The following GPR143 variants were observed in gnomAD, a reference collection of about 807,000 sequenced individuals.
GPR143 encodes G protein-coupled receptor 143.
A neutral mutation model predicts 27.6 loss-of-function variants in GPR143; 8 were observed. That is an observed-to-expected ratio of 0.29 (90% CI 0.17 to 0.52). The LOEUF is 0.52. GPR143 is among the 20% of genes least tolerant of loss of function. The pLI is 0.96. For synonymous variants in GPR143, 156 were observed against 153.2 expected (o/e 1.02, Z -0.13); for missense variants, 303 against 343.1 (o/e 0.88, Z 0.92).
chrX:9,744,983 G>T (rs2083421779), intron 5 of GPR143, among the ~76,000 whole-genome samples: 1 of 112,175 alleles, frequency 8.9e-6, no homozygotes, highest in Admixed American at 9.4e-5. Flanking sequence ...CAGGCGTGGT[G>T]GCTCACGCCT....
chrX:9,745,843 C>G (rs2083426117), intron 5 of GPR143, among the ~76,000 whole-genome samples: 1 of 112,502 alleles, frequency 8.9e-6, no homozygotes, highest in African/African-American at 3.2e-5. Flanking sequence ...TGGTACAGAA[C>G]TTGTGCGGGC....
chrX:9,759,551 C>T (rs2083487421), intron 2 of GPR143, 125 bp from the exon 3 acceptor site: 2 of 525,720 alleles, frequency 3.8e-6, no homozygotes, highest in South Asian at 2.5e-5. Context: ...TGACAGCTCT[C>T]GGGACACAAG....
chrX:9,725,481 CT>C lies in GPR143; in HGVS notation c.*264del, dbSNP rs2083321062. On this transcript the variant is annotated 3_prime_UTR_variant, in exon 9 of 9. Transcript: ENST00000467482. Reference sequence around the variant, plus strand: ...ACCTTACACTTACTTTACAGCCAGCCTCAGAAAACTTCCTAGTGGCAACTAA... The same window carrying C: ...ACCTTACACTTACTTTACAGCCAGCCCAGAAAACTTCCTAGTGGCAACTAA... The C allele has an allele frequency of 3.1e-6, 1 of 327,781 alleles. No individual in the cohort carries two copies. The highest frequency in any genetic ancestry group is 2.6e-5 in the African/African-American group (1 of 38,215). 27.0% of individuals were successfully genotyped at this position (327,781 alleles called of 1,213,427 possible). A position where few individuals can be genotyped will look rare whatever the true frequency, so the allele number is the denominator to read the frequency against.
intron 1 of GPR143, among the ~76,000 whole-genome samples, chrX:9,764,167 T>C (rs1272430445): frequency 1.8e-5 from 2 of 110,748 alleles, no homozygotes. Flanking sequence ...GGCGTGTGGC[T>C]GTAGTCCCAG....
upstream of GPR143, among the ~76,000 whole-genome samples, chrX:9,770,739 C>T (rs1056595856): frequency 3.6e-5 from 4 of 111,577 alleles, no homozygotes; most frequent in African/African-American, 1.3e-4. Flanking sequence ...TTGCCTCACC[C>T]TGCTTTTGTG....
At chrX:9,756,820 A>C (rs2146697976) in intron 3 of GPR143, among the ~76,000 whole-genome samples, 1 of 112,736 alleles carries the variant, frequency 8.9e-6, no homozygotes, top group Non-Finnish European at 1.9e-5. Flanking sequence ...GCAGTTTAAC[A>C]GTTTCTTACC....
chrX:9,760,605 A>G, intron 2 of GPR143, 112 bp downstream of exon 2: 2 of 507,486 alleles, frequency 3.9e-6, no homozygotes, highest in South Asian at 5.3e-5. Context: ...GATCAGCAGG[A>G]TGGGGCAGGA....
intron 4 of GPR143, chrX:9,747,814 G>T (rs1216483762): frequency 8.9e-6 from 1 of 112,396 alleles, no homozygotes; most frequent in African/African-American, 3.2e-5. Context: ...AGTACATAAA[G>T]AAATGAGTGT....
rs1411289893 is a variant in GPR143 at position 9,741,328 on chromosome X, A to G, written c.885+10T>C. Reference sequence around the variant, plus strand: ...ATTAACTAATTAAAATAAAATATAGATTGACCTACCATAATAAACCATGTG... The same window carrying G: ...ATTAACTAATTAAAATAAAATATAGGTTGACCTACCATAATAAACCATGTG... On this transcript the variant is annotated intron_variant, in intron 7 of 8. Transcript: ENST00000467482. 1 of 704,467 alleles carries G rather than the reference A, an allele frequency of 1.4e-6. No homozygotes were observed. Among genetic ancestry groups the G allele is most frequent in the African/African-American group, 2.1e-5 (1 of 47,419 alleles). The allele number at this position is 704,467 out of a possible 1,213,427, so 58.1% of individuals were successfully genotyped here. A position where few individuals can be genotyped will look rare whatever the true frequency, so the allele number is the denominator to read the frequency against.
chrX:9,726,123 A>ATCTGTGCCGCAGT, intron 8 of GPR143: 2 of 315,071 alleles, frequency 6.3e-6, no homozygotes, highest in Non-Finnish European at 8.4e-6. Context: ...TGACTGCGGC[A>ATCTGTGCCGCAGT]CAGATGCTGC....
At chrX:9,754,999 G>T (rs774997343) in intron 3 of GPR143, among the ~76,000 whole-genome samples, 60 of 111,674 alleles carry the variant, frequency 5.4e-4, no homozygotes, top group Non-Finnish European at 1.1e-3. Flanking sequence ...TCACACTGCT[G>T]ATTACCTACT....
intron 8 of GPR143, among the ~76,000 whole-genome samples, chrX:9,734,080 C>CAAAA (rs34722888): frequency 4.7e-4 from 27 of 57,821 alleles, no homozygotes; most frequent in African/African-American, 1.4e-3. Context: ...AACTCTGTCT[C>CAAAA]AAAAAAAAAA....
upstream of GPR143, among the ~76,000 whole-genome samples, chrX:9,767,558 C>T (rs1006224688): frequency 3.7e-5 from 4 of 109,332 alleles, no homozygotes; most frequent in African/African-American, 1.3e-4. Context: ...AGACAGGAAG[C>T]GGAGCCTTAT....
intron 1 of GPR143, among the ~76,000 whole-genome samples, chrX:9,772,082 C>T (rs1056653125): frequency 9.0e-6 from 1 of 111,330 alleles, no homozygotes; most frequent in Admixed American, 9.6e-5. Context: ...AATGTCCTTC[C>T]TCTTGGATTC....
intron 3 of GPR143, among the ~76,000 whole-genome samples, chrX:9,756,089 C>A (rs778603069): frequency 2.7e-5 from 3 of 111,913 alleles, no homozygotes; most frequent in East Asian, 5.6e-4. Context: ...GATTTTAGAG[C>A]GGGGATCTAC....
At position 9,765,807 on chromosome X, in the gene GPR143, G is replaced by A; in HGVS notation, c.11C>T (p.Pro4Leu). The change falls in exon 1 of 9, where the codon CCG (proline) becomes CTG (leucine). Residue 4 changes from proline to leucine, a missense_variant. Coordinates refer to ENST00000467482, the MANE Select transcript of GPR143 (RefSeq NM_000273.3). MAS[P>L]RLGTFCCPTR... is the part of the protein sequence containing the mutation. ...GGGGCAGCAGAAGGTCCCTAGGCGCGGGGAGGCCATGGGCTGTGTTCGCGG... is the reference window on the plus strand; with the variant it reads ...GGGGCAGCAGAAGGTCCCTAGGCGCAGGGAGGCCATGGGCTGTGTTCGCGG... The A allele has an allele frequency of 1.8e-6, 2 of 1,117,350 alleles. No individual in the cohort carries two copies. Among genetic ancestry groups the A allele is most frequent in the Non-Finnish European group, 2.3e-6 (2 of 852,714 alleles). The allele number at this position is 1,117,350 out of a possible 1,213,427, so 92.1% of individuals were successfully genotyped here.
chrX:9,770,160 CAAAAAAAAAAAAAA>C (rs55901901), upstream of GPR143, among the ~76,000 whole-genome samples: 3 of 26,825 alleles, frequency 1.1e-4, no homozygotes, highest in African/African-American at 5.2e-4. Flanking sequence ...CTCCCCCAGT[CAAAAAAAAAAAAAA>C]AAAAAAAAAA....
intron 8 of GPR143, among the ~76,000 whole-genome samples, chrX:9,734,080 C>CAAAAA (rs34722888): frequency 1.7e-5 from 1 of 57,803 alleles, no homozygotes; most frequent in African/African-American, 5.8e-5. Flanking sequence ...AACTCTGTCT[C>CAAAAA]AAAAAAAAAA....
upstream of GPR143, among the ~76,000 whole-genome samples, chrX:9,768,312 A>G (rs755948677): frequency 2.7e-5 from 3 of 111,985 alleles, no homozygotes. Flanking sequence ...GGATTACTTG[A>G]GCCCAAGAGT....
Sources: gnomAD v4.1 joint callset for allele counts (sites outside exome capture counted in the v4.1 genomes callset) on GRCh38, gnomAD v4.1.1 for gene constraint, MANE v1.5 for transcripts, NCBI Gene and HGNC (gene_info 2026-07-23, HGNC 2026-07-21) for gene names.